PARD3B: variants seen among roughly 807,000 people sequenced by gnomAD.
PARD3B encodes par-3 family cell polarity regulator beta.
PARD3B carries 103 observed loss-of-function variants against 130.2 expected under a neutral mutation model. The ratio of observed to expected loss-of-function variants is 0.79; its 90% CI spans 0.67 to 0.93. The LOEUF (loss-of-function observed/expected upper bound fraction) is 0.93. PARD3B is among the 40% of genes least tolerant of loss of function. PARD3B has a pLI of 0.00. For missense variants in PARD3B, 1,609 were observed against 1,499.2 expected (o/e 1.07, Z -1.21); for synonymous variants, 583 against 553.2 (o/e 1.05, Z -0.76).
At chr2:205,378,926 G>A (rs957370298) in intron 18 of PARD3B, among the ~76,000 whole-genome samples, 1 of 151,742 alleles carries the variant, frequency 6.6e-6, no homozygotes, top group Non-Finnish European at 1.5e-5. Flanking sequence ...CACCATGCCT[G>A]GCCTTTTTTT....
intron 15 of PARD3B, among the ~76,000 whole-genome samples, chr2:205,208,503 T>G (rs1196979169): frequency 6.9e-6 from 1 of 145,372 alleles, no homozygotes; most frequent in Non-Finnish European, 1.5e-5. Flanking sequence ...CTTAAGCTGA[T>G]AAGCAACTTC....
At chr2:205,275,665 G>A (rs2040913727) in intron 16 of PARD3B, among the ~76,000 whole-genome samples, 3 of 151,766 alleles carry the variant, frequency 2.0e-5, no homozygotes, top group Admixed American at 1.3e-4. Flanking sequence ...GTGAAACCCT[G>A]TCTCTACTAA....
intron 3 of PARD3B, among the ~76,000 whole-genome samples, chr2:204,972,644 A>C (rs1384594187): frequency 2.0e-5 from 3 of 152,184 alleles, no homozygotes; most frequent in Non-Finnish European, 4.4e-5. Flanking sequence ...AAAATATAAG[A>C]CAGTACATAA....
intron 18 of PARD3B, among the ~76,000 whole-genome samples, chr2:205,320,029 G>A (rs1176602867): frequency 3.9e-5 from 6 of 152,046 alleles, no homozygotes; most frequent in Admixed American, 3.9e-4. Flanking sequence ...TTACCCAAAT[G>A]TGGTGGCATG....
rs571803308 is a variant in PARD3B at position 204,939,314 on chromosome 2, T to G, written c.223-25838T>G. Among the ~76,000 whole-genome samples the G allele has an allele frequency of 3.9e-5, 6 of 152,288 alleles. No homozygotes were observed. The South Asian group carries it at 1.2e-3, about 32-fold the overall frequency. Reference sequence around the variant, plus strand: ...TTTTAATACCTCACATAAAAGATATTAAGTGCCAGAATTTTTTGTCTATTA... The same window carrying G: ...TTTTAATACCTCACATAAAAGATATGAAGTGCCAGAATTTTTTGTCTATTA... On this transcript the variant is annotated intron_variant, in intron 2 of 22. Transcript: ENST00000406610.
At chr2:205,478,440 C>G (rs906678900) in intron 20 of PARD3B, among the ~76,000 whole-genome samples, 1 of 152,170 alleles carries the variant, frequency 6.6e-6, no homozygotes. Context: ...ACATTGTCTG[C>G]TGGATGGACT....
rs1007433144 is a variant in PARD3B, at chr2:205,128,203, A to G, written c.1434+2466A>G. Among the ~76,000 whole-genome samples, 1 of 152,240 alleles carries G rather than the reference A, an allele frequency of 6.6e-6. No individual in the cohort carries two copies. Among genetic ancestry groups the G allele is most frequent in the Non-Finnish European group, 1.5e-5 (1 of 68,054 alleles). On this transcript the variant is annotated intron_variant, in intron 10 of 22. Coordinates refer to ENST00000406610, the MANE Select transcript of PARD3B (RefSeq NM_001302769.2). This position sits in a 1 kb window ranked among gnomAD's most constrained non-coding sequence, Gnocchi z 4.5. ...GCATAAAAACAGAAATATTTCAGGC[A>G]GCCCCTGAGCATGCAAAAGAATGCA...
intron 19 of PARD3B, among the ~76,000 whole-genome samples, chr2:205,404,750 A>G (rs2046363475): frequency 6.6e-6 from 1 of 152,064 alleles, no homozygotes; most frequent in African/African-American, 2.4e-5. Flanking sequence ...CCTGAGCTCA[A>G]GTGATCCTCC....
chr2:205,289,582 A>C (rs995070298), intron 16 of PARD3B, among the ~76,000 whole-genome samples: 2 of 152,262 alleles, frequency 1.3e-5, no homozygotes, highest in East Asian at 3.9e-4. Flanking sequence ...TAAAACTGCT[A>C]TGGTTGAGTG....
At chr2:204,854,538 T>C (rs918796567) in intron 2 of PARD3B, among the ~76,000 whole-genome samples, 1 of 152,042 alleles carries the variant, frequency 6.6e-6, no homozygotes, top group African/African-American at 2.4e-5. Flanking sequence ...AGTGGTGAAA[T>C]GTTCTAGAGG....
intron 2 of PARD3B, among the ~76,000 whole-genome samples, chr2:204,850,015 A>G (rs2044644567): frequency 6.6e-6 from 1 of 152,208 alleles, no homozygotes; most frequent in South Asian, 2.1e-4. Context: ...GCACATATCT[A>G]TGCATATGCC....
At chr2:204,812,679 A>C (rs2043002761) in intron 2 of PARD3B, among the ~76,000 whole-genome samples, 1 of 152,148 alleles carries the variant, frequency 6.6e-6, no homozygotes, top group Non-Finnish European at 1.5e-5. Flanking sequence ...TGTTCCTAAA[A>C]GAAGGTCATA....
intron 2 of PARD3B, among the ~76,000 whole-genome samples, chr2:204,832,624 G>C (rs2043870529): frequency 6.6e-6 from 1 of 152,166 alleles, no homozygotes; most frequent in Admixed American, 6.5e-5. Context: ...TGGCATGGGA[G>C]ACAAGGTGAG....
chr2:204,613,854 T>C lies in PARD3B; in HGVS notation c.120+67735T>C, dbSNP rs142888226. Among the ~76,000 whole-genome samples, 3 of 152,278 alleles carry C rather than the reference T, an allele frequency of 2.0e-5. No individual in the cohort carries two copies. The East Asian group carries it at 5.8e-4, about 29-fold the overall frequency. ...CTTATTGATCTTTCCTTAGGGTTAT[T>C]TATTTTTTCTTTTTATTTATGTTAG... On this transcript the variant is annotated intron_variant, in intron 1 of 22. Coordinates refer to ENST00000406610, the MANE Select transcript of PARD3B (RefSeq NM_001302769.2).
intron 18 of PARD3B, among the ~76,000 whole-genome samples, chr2:205,328,798 T>G (rs1163546613): frequency 6.6e-6 from 1 of 152,218 alleles, no homozygotes; most frequent in Non-Finnish European, 1.5e-5. Context: ...TATAATATTG[T>G]TCTTGAAGGA....
chr2:204,840,901 G>C (rs1397378593), intron 2 of PARD3B, among the ~76,000 whole-genome samples: 1 of 152,122 alleles, frequency 6.6e-6, no homozygotes, highest in Non-Finnish European at 1.5e-5. Context: ...TTGTATGTAA[G>C]TATAGGAAAA....
chr2:205,341,411 T>C lies in PARD3B; in HGVS notation c.2630+39710T>C, dbSNP rs1228107500. Among the ~76,000 whole-genome samples, 1 of 152,146 alleles carries C rather than the reference T, an allele frequency of 6.6e-6. No homozygotes were observed. The highest frequency in any genetic ancestry group is 1.9e-4 in the East Asian group (1 of 5,198). On this transcript the variant is annotated intron_variant, in intron 18 of 22. Coordinates refer to ENST00000406610, the MANE Select transcript of PARD3B (RefSeq NM_001302769.2). This position sits in a 1 kb window ranked among gnomAD's most constrained non-coding sequence, Gnocchi z 4.3. ...TACACAATGGAATACTATTCAGCCA[T>C]ATAAAGAGTGAAATTCTGTCATTTG...
At chr2:204,880,425 G>T (rs2045998121) in intron 2 of PARD3B, among the ~76,000 whole-genome samples, 3 of 152,068 alleles carry the variant, frequency 2.0e-5, no homozygotes, top group Non-Finnish European at 4.4e-5. Flanking sequence ...ACTTTGGGAG[G>T]CCGAGGTGGG....
intron 21 of PARD3B, among the ~76,000 whole-genome samples, chr2:205,536,817 G>C (rs1166217680): frequency 6.6e-6 from 1 of 152,172 alleles, no homozygotes; most frequent in South Asian, 2.1e-4. Flanking sequence ...TCTCAGGTCA[G>C]TGCCCCTGGG....
Sources: gnomAD v4.1 joint callset for allele counts (sites outside exome capture counted in the v4.1 genomes callset) on GRCh38, gnomAD v4.1.1 for gene constraint, Gnocchi (gnomAD v3.1) non-coding constraint, MANE v1.5 for transcripts, NCBI Gene and HGNC (gene_info 2026-07-23, HGNC 2026-07-21) for gene names.